The following LRP2 variants were observed in gnomAD, a reference collection of about 807,000 sequenced individuals.
The protein encoded by LRP2 is LDL receptor related protein 2, also known as low-density lipoprotein receptor-related protein 2.
LRP2 carries 172 observed loss-of-function variants against 531.0 expected under a neutral mutation model. The observed-to-expected ratio is 0.32, with a 90% CI of 0.29 to 0.37. LRP2 has a LOEUF of 0.37. Among genes scored for constraint, LRP2 ranks in the 10% least tolerant of loss-of-function variants. The probability of loss-of-function intolerance (pLI) is 1.00; values close to 1 mark genes in which losing one functional copy is unlikely to be tolerated. For synonymous variants in LRP2, 1,992 were observed against 2,027.6 expected, an observed-to-expected ratio of 0.98 and a Z score of 0.47; for missense variants, 5,167 against 5,868.3, an observed-to-expected ratio of 0.88 and a Z score of 3.90.
intron 46 of LRP2, among the ~76,000 whole-genome samples, chr2:169,195,258 G>T (rs1687967684): frequency 6.6e-6 from 1 of 152,106 alleles, no homozygotes; most frequent in African/African-American, 2.4e-5. Flanking sequence ...TTGCTGACAT[G>T]ATGTTAAGCT....
intron 19 of LRP2, 73 bp downstream of exon 19, chr2:169,256,033 C>T (rs1690291581): frequency 6.6e-7 from 1 of 1,504,288 alleles, no homozygotes; most frequent in Admixed American, 1.7e-5. Context: ...GAAAATGCCA[C>T]ATGAGGATGA....
Position 169,193,850 on chromosome 2 carries a change from T to C in LRP2, c.8741A>G (p.Asp2914Gly), listed in dbSNP as rs1186464504. 1.9e-6 allele frequency: 3 copies of C among 1,614,144 alleles called. No individual in the cohort carries two copies. The highest frequency in any genetic ancestry group is 1.7e-6 in the Non-Finnish European group (2 of 1,179,992). Residue 2914 changes from aspartate to glycine, a missense_variant, in exon 47 of 79, where the codon GAT becomes GGT. Coordinates refer to ENST00000649046, the MANE Select transcript of LRP2 (RefSeq NM_004525.3). ...TTCGCTTGGGATGCACCTCCCACCA[T>C]CACACTTGAACTCATCAGCTAGGCA... ...RTCLADEFKC[D>G]GGRCIPSEWI...
At chr2:169,272,130 G>T (rs76224495) in intron 15 of LRP2, among the ~76,000 whole-genome samples, 2,687 of 152,190 alleles carry the variant, frequency 0.018, 76 homozygotes, top group African/African-American at 0.059. Context: ...ATTTATATAC[G>T]ACGCTAGAAA....
chr2:169,275,224 T>A lies in LRP2; in HGVS notation c.1787A>T (p.His596Leu). 6.2e-7 allele frequency: 1 copy of A among 1,613,358 alleles called. No individual in the cohort carries two copies. Among genetic ancestry groups the A allele is most frequent in the Non-Finnish European group, 8.5e-7 (1 of 1,179,482 alleles). The change falls in exon 14 of 79, where the codon CAT (histidine) becomes CTT (leucine). Residue 596 changes from histidine to leucine, a missense_variant. His to Leu is a moderately conservative substitution (Grantham distance 99, BLOSUM62 -3). Around this residue, in one of 6 missense-constraint regions of LRP2, gnomAD observed 2,811 missense variants for 3,058.0 expected, o/e 0.92. Coordinates refer to ENST00000649046, the MANE Select transcript of LRP2 (RefSeq NM_004525.3). Reference sequence around the variant, plus strand: ...GGGATGAGGAATGAGGGAGCCTCCATGAACTACAGTCTTCCTGTTATAAAA... The same window carrying A: ...GGGATGAGGAATGAGGGAGCCTCCAAGAACTACAGTCTTCCTGTTATAAAA... ...YDGIQRKTVV[H>L]GGSLIPHPFG...
chr2:169,362,466 G>T lies in LRP2; in HGVS notation c.-67C>A. ...GTGGGCGCGCGTAGCACACCGCACC[G>T]GCAGCGCCTCTGCTAGCGAACGCTC... On this transcript the variant is annotated 5_prime_UTR_variant, in exon 1 of 79. Transcript: ENST00000649046. 7 of 1,365,340 alleles carry T rather than the reference G, an allele frequency of 5.1e-6. No homozygotes were observed. The highest frequency in any genetic ancestry group is 1.2e-5 in the South Asian group (1 of 80,590). The allele number at this position is 1,365,340 out of a possible 1,614,324, so 84.6% of individuals were successfully genotyped here.
chr2:169,233,256 C>T (rs904058298), intron 30 of LRP2, among the ~76,000 whole-genome samples, 155 bp downstream of exon 30: 1 of 152,150 alleles, frequency 6.6e-6, no homozygotes, highest in Non-Finnish European at 1.5e-5. Context: ...ATGGCAATGT[C>T]AGGACTAGGG....
rs1245287179 is a variant in LRP2 at position 169,128,711 on chromosome 2, G to C, written c.13920C>G (p.Asp4640Glu). The part of the protein sequence containing the change: ...DPTPTYSATE[D>E]TFKDTANLVK... ...CAAGATTTGCGGTGTCTTTAAAAGT[G>C]TCTTCTGTTGCAGAATAGGTTGGAG... The change falls in exon 79 of 79, where the codon GAC (aspartate) becomes GAG (glutamate). Residue 4640 changes from aspartate to glutamate, a missense_variant. Physicochemically the swap from Asp to Glu is conservative, Grantham distance 45. Transcript: ENST00000649046. 1 of 1,614,016 alleles carries C rather than the reference G, an allele frequency of 6.2e-7. No homozygotes were observed. Among genetic ancestry groups the C allele is most frequent in the East Asian group, 2.2e-5 (1 of 44,900 alleles).
At chr2:169,332,271 G>A (rs544360927) in intron 1 of LRP2, among the ~76,000 whole-genome samples, 2 of 152,266 alleles carry the variant, frequency 1.3e-5, no homozygotes, top group East Asian at 1.9e-4. Flanking sequence ...GGACCTTCTT[G>A]ACTGAATCTT....
At chr2:169,205,357 C>T (rs1688339850) in intron 41 of LRP2, 122 bp downstream of exon 41, 1 of 1,079,530 alleles carries the variant, frequency 9.3e-7, no homozygotes, top group Non-Finnish European at 1.4e-6. Flanking sequence ...AACTGTGATT[C>T]TATATTCTGG....
chr2:169,157,431 A>C lies in LRP2; in HGVS notation c.11959T>G (p.Phe3987Val). Reference protein sequence around the residue: ...QNCTQLNEGGFICSCTAGFET... With the variant: ...QNCTQLNEGGVICSCTAGFET... ...AACCCAGCTGTACAGGAGCAGATAA[A>C]TCCTCCTTCATTTAATTGGGTACAA... is the stretch of plus-strand genomic sequence containing the variant. The change falls in exon 64 of 79, where the codon TTT (phenylalanine) becomes GTT (valine). Residue 3987 changes from phenylalanine (F) to valine (V), a missense_variant. Around this residue, in one of 6 missense-constraint regions of LRP2, gnomAD observed 564 missense variants for 747.7 expected, o/e 0.75. Coordinates refer to ENST00000649046, the MANE Select transcript of LRP2 (RefSeq NM_004525.3). 7 of 1,352,392 alleles carry C rather than the reference A, an allele frequency of 5.2e-6. No homozygotes were observed. Among genetic ancestry groups the C allele is most frequent in the Non-Finnish European group, 5.3e-6 (5 of 952,092 alleles). 83.8% of individuals were successfully genotyped at this position (1,352,392 alleles called of 1,614,324 possible). A position where few individuals can be genotyped will look rare whatever the true frequency, so the allele number is the denominator to read the frequency against.
intron 28 of LRP2, among the ~76,000 whole-genome samples, chr2:169,236,466 C>A (rs1288928650): frequency 1.3e-5 from 2 of 152,170 alleles, no homozygotes; most frequent in Non-Finnish European, 2.9e-5. Context: ...AGGAATTCAT[C>A]ATAAATTTCA....
chr2:169,229,837 A>G (rs1159053478), intron 31 of LRP2, among the ~76,000 whole-genome samples: 1 of 152,194 alleles, frequency 6.6e-6, no homozygotes, highest in African/African-American at 2.4e-5. Flanking sequence ...GCACTTCTAC[A>G]TATATTCCAG....
At chr2:169,268,705 C>T (rs1574202177) in intron 16 of LRP2, among the ~76,000 whole-genome samples, 1 of 152,180 alleles carries the variant, frequency 6.6e-6, no homozygotes, top group African/African-American at 2.4e-5. Context: ...GGCAGGGATG[C>T]CCTCTCTCGC....
At chr2:169,295,567 T>C (rs1684114662) in intron 4 of LRP2, among the ~76,000 whole-genome samples, 1 of 152,180 alleles carries the variant, frequency 6.6e-6, no homozygotes, top group Non-Finnish European at 1.5e-5. Flanking sequence ...CTTTATTCTG[T>C]GGATGGTTGA....
At chr2:169,320,061 T>C (rs910830016) in intron 2 of LRP2, among the ~76,000 whole-genome samples, 15 of 152,182 alleles carry the variant, frequency 9.9e-5, no homozygotes, top group South Asian at 2.1e-4. Context: ...TGATCACCTA[T>C]GGGAAGTTGG....
At position 169,206,866 on chromosome 2, in the gene LRP2, A is replaced by C. The variant is rs1350715160; in HGVS notation, c.6854T>G (p.Val2285Gly). The stretch of plus-strand genomic sequence containing the variant: ...TACCCATATGATAGAATTTTCAAAA[A>C]CAGTGATGCCATAAGGAGTTGGGTA... ...SRYPTPYGIT[V>G]FENSIIWVDR... The change falls in exon 39 of 79, where the codon GTT becomes GGT. Residue 2285 changes from valine (V) to glycine (G), a missense_variant. This residue lies in a region of LRP2 where 2,811 missense variants were observed against 3,058.0 expected (regional missense o/e 0.92). Transcript: ENST00000649046. 6.2e-7 allele frequency: 1 copy of C among 1,614,186 alleles called. No homozygotes were observed. Among genetic ancestry groups the C allele is most frequent in the South Asian group, 1.1e-5 (1 of 91,082 alleles).
intron 31 of LRP2, among the ~76,000 whole-genome samples, chr2:169,228,311 T>TAAA (rs56358282): frequency 1.3e-4 from 17 of 133,202 alleles, no homozygotes; most frequent in African/African-American, 3.9e-4. Flanking sequence ...ACTGCAACAG[T>TAAA]AAAAAAAAAA....
chr2:169,198,966 T>C, intron 44 of LRP2, 55 bp from the exon 45 acceptor site: 6 of 1,576,178 alleles, frequency 3.8e-6, no homozygotes, highest in South Asian at 1.1e-5. Flanking sequence ...ATATGTATTA[T>C]GAACAGTATC....
In LRP2 at chr2:169,292,354, C is replaced by G. The variant is rs111708117; in HGVS notation, c.668G>C (p.Gly223Ala). The change falls in exon 7 of 79, where the codon GGT becomes GCT. Residue 223 changes from glycine to alanine, a missense_variant. By Grantham distance (60) the Gly-to-Ala change is moderately conservative. Coordinates refer to ENST00000649046, the MANE Select transcript of LRP2 (RefSeq NM_004525.3). ...ACTGGGGCAAGTGAACTGGTAACCA[C>G]CGCAGGTCGGATAGTCTGGAATAAA... ...DEHACNYPTCGGYQFTCPSGR... is the reference protein window; with the variant it reads ...DEHACNYPTCAGYQFTCPSGR... 9 of 1,613,218 alleles carry G rather than the reference C, an allele frequency of 5.6e-6. No individual in the cohort carries two copies. The highest frequency in any genetic ancestry group is 4.0e-5 in the African/African-American group (3 of 75,018).
Sources: gnomAD v4.1 joint callset for allele counts (sites outside exome capture counted in the v4.1 genomes callset) on GRCh38, gnomAD v4.1.1 for gene constraint, gnomAD v4.1.1 regional missense constraint, MANE v1.5 for transcripts, NCBI Gene and HGNC (gene_info 2026-07-23, HGNC 2026-07-21) for gene names.